Variants in COQ10B observed in about 807,000 individuals in gnomAD.
The protein encoded by COQ10B is coenzyme Q-binding protein COQ10 homolog B, mitochondrial.
Under a neutral mutation model 27.6 loss-of-function variants are expected in COQ10B, and 12 were observed. The ratio of observed to expected loss-of-function variants is 0.43; its 90% CI spans 0.28 to 0.70. COQ10B has a LOEUF of 0.70. COQ10B is among the 30% of genes least tolerant of loss of function. The probability of loss-of-function intolerance (pLI) is 0.17; values close to 1 mark genes in which losing one functional copy is unlikely to be tolerated. For synonymous variants in COQ10B, 115 were observed against 103.0 expected, an observed-to-expected ratio of 1.12 and a Z score of -0.71; for missense variants, 278 against 288.7, an observed-to-expected ratio of 0.96 and a Z score of 0.27.
At chr2:197,463,607 C>CA (rs933799833) in intron 3 of COQ10B, among the ~76,000 whole-genome samples, 8 of 147,122 alleles carry the variant, frequency 5.4e-5, no homozygotes, top group African/African-American at 1.8e-4. Flanking sequence ...GACAGTGTCT[C>CA]AAAAAAAATT....
intron 3 of COQ10B, among the ~76,000 whole-genome samples, chr2:197,464,874 T>C (rs2085807113): frequency 1.3e-5 from 2 of 151,198 alleles, no homozygotes; most frequent in Non-Finnish European, 3.0e-5. Flanking sequence ...AGAACTTAAA[T>C]CTTTTTTTTT....
intron 1 of COQ10B, among the ~76,000 whole-genome samples, chr2:197,455,752 G>A (rs1017787541): frequency 2.1e-4 from 32 of 152,074 alleles, no homozygotes; most frequent in Non-Finnish European, 3.5e-4. Context: ...TTGAAATCAG[G>A]AGTTTGAGAC....
At position 197,456,633 on chromosome 2, in the gene COQ10B, C is replaced by T. The variant is rs1171934141; in HGVS notation, c.104+2969C>T. On this transcript the variant is annotated intron_variant, in intron 1 of 4. Transcript: ENST00000263960. ...CAAAAAAATTAGCAGGGCGTGGTGG[C>T]GGGCACCTGTAGTCCCAGCTACTCG... is the stretch of plus-strand genomic sequence containing the variant. Among the ~76,000 whole-genome samples, 5 of 151,306 alleles carry T rather than the reference C, an allele frequency of 3.3e-5. No homozygotes were observed. The East Asian group carries it at 5.8e-4, about 18-fold the overall frequency.
intron 3 of COQ10B, among the ~76,000 whole-genome samples, chr2:197,468,723 C>T (rs1273618210): frequency 2.0e-5 from 3 of 151,940 alleles, no homozygotes; most frequent in Non-Finnish European, 4.4e-5. Flanking sequence ...TTTGGGAGGC[C>T]AAGGCAGGAG....
chr2:197,470,178 C>G lies in COQ10B; in HGVS notation c.549+7C>G. 1 of 1,545,366 alleles carries G rather than the reference C, an allele frequency of 6.5e-7. No homozygotes were observed. Among genetic ancestry groups the G allele is most frequent in the East Asian group, 2.2e-5 (1 of 44,490 alleles). On this transcript the variant is annotated splice_region_variant and intron_variant, in intron 4 of 4. Transcript: ENST00000263960. ...TTGTACCTTGGATTTTTCAGTAAGT[C>G]TCATAAAGCCCTTGATTTGTTCCAC...
chr2:197,453,853 G>A (rs1400586479), intron 1 of COQ10B, 189 bp downstream of exon 1: 2 of 1,215,186 alleles, frequency 1.6e-6, no homozygotes, highest in South Asian at 1.4e-5. Flanking sequence ...TTGGGCCCAA[G>A]GCTGTGTTCG....
intron 2 of COQ10B, among the ~76,000 whole-genome samples, chr2:197,461,780 A>G (rs891922753): frequency 1.3e-5 from 2 of 152,002 alleles, no homozygotes; most frequent in African/African-American, 4.8e-5. Flanking sequence ...AGCTGGGATT[A>G]CAAGCGTGTG....
chr2:197,459,242 T>C (rs1266124440), intron 1 of COQ10B, among the ~76,000 whole-genome samples: 1 of 152,090 alleles, frequency 6.6e-6, no homozygotes, highest in Non-Finnish European at 1.5e-5. Flanking sequence ...TCATAGCTCA[T>C]TGCAACCTCG....
intron 1 of COQ10B, chr2:197,454,008 A>C: frequency 6.4e-7 from 1 of 1,551,214 alleles, no homozygotes; most frequent in Non-Finnish European, 8.7e-7. Flanking sequence ...TTTGCGCAGA[A>C]GGGTTGCCGG....
intron 4 of COQ10B, among the ~76,000 whole-genome samples, chr2:197,473,010 A>T (rs2085894636): frequency 6.6e-6 from 1 of 152,156 alleles, no homozygotes; most frequent in South Asian, 2.1e-4. Context: ...CATAGTGATT[A>T]ATGTATTCAG....
intron 3 of COQ10B, among the ~76,000 whole-genome samples, chr2:197,465,232 A>G (rs2085811906): frequency 6.6e-6 from 1 of 150,494 alleles, no homozygotes; most frequent in Non-Finnish European, 1.5e-5. Flanking sequence ...AACTAAAAGA[A>G]CTCTAAATAA....
In COQ10B at chr2:197,473,441, T is replaced by TATATAC. The variant is rs1417755879; in HGVS notation, c.550-315_550-314insTATACA. Among the ~76,000 whole-genome samples the TATATAC allele has an allele frequency of 9.6e-4, 94 of 98,204 alleles. 3 individuals are homozygous for TATATAC. Among genetic ancestry groups the TATATAC allele is most frequent in the East Asian group, 4.1e-3 (15 of 3,700 alleles). The allele number at this position is 98,204 out of a possible 152,430, so 64.4% of individuals were successfully genotyped here. A position where few individuals can be genotyped will look rare whatever the true frequency, so the allele number is the denominator to read the frequency against. On this transcript the variant is annotated intron_variant, in intron 4 of 4. Transcript: ENST00000263960. ...ATATATATATATATATATATATATA[T>TATATAC]ACACATATATACATATATATATATG...
Position 197,460,018 on chromosome 2 carries a change from T to C in COQ10B, c.191T>C (p.Phe64Ser). 1 of 1,612,076 alleles carries C rather than the reference T, an allele frequency of 6.2e-7. No individual in the cohort carries two copies. Among genetic ancestry groups the C allele is most frequent in the Non-Finnish European group, 8.5e-7 (1 of 1,178,430 alleles). ...CCTAAGGAGATATGTGCACGAACTT[T>C]CTTCAAAATCACTGCACCATTAATA... Reference protein sequence around the residue: ...ILPKEICARTFFKITAPLINK... With the variant: ...ILPKEICARTSFKITAPLINK... Residue 64 changes from phenylalanine to serine, a missense_variant, in exon 2 of 5, where the codon TTC becomes TCC. Coordinates refer to ENST00000263960, the MANE Select transcript of COQ10B (RefSeq NM_025147.5).
At chr2:197,463,996 T>TATACACAC (rs1553574096) in intron 3 of COQ10B, among the ~76,000 whole-genome samples, 5 of 32,856 alleles carry the variant, frequency 1.5e-4, no homozygotes, top group South Asian at 1.8e-3. Context: ...TATATATATA[T>TATACACAC]ACACACACAC....
chr2:197,474,894 G>C lies in COQ10B; in HGVS notation c.*970G>C, dbSNP rs1042811375. On this transcript the variant is annotated 3_prime_UTR_variant, in exon 5 of 5. Coordinates refer to ENST00000263960, the MANE Select transcript of COQ10B (RefSeq NM_025147.5). ...GTAGTTTGCCACTTTCTCCGAGGTAGTTTGGCTGCTCTTTCAGTAATGCTA... is the reference window on the plus strand; with the variant it reads ...GTAGTTTGCCACTTTCTCCGAGGTACTTTGGCTGCTCTTTCAGTAATGCTA... 4 of 149,582 alleles carry C rather than the reference G, an allele frequency of 2.7e-5. No homozygotes were observed. Among genetic ancestry groups the C allele is most frequent in the Non-Finnish European group, 5.9e-5 (4 of 67,758 alleles). 9.3% of individuals were successfully genotyped at this position (149,582 alleles called of 1,614,324 possible).
At position 197,473,972 on chromosome 2, in the gene COQ10B, CT is replaced by C; in HGVS notation, c.*52del. The C allele has an allele frequency of 7.3e-7, 1 of 1,370,598 alleles. No homozygotes were observed. Among genetic ancestry groups the C allele is most frequent in the Non-Finnish European group, 9.6e-7 (1 of 1,037,462 alleles). 84.9% of individuals were successfully genotyped at this position (1,370,598 alleles called of 1,614,324 possible). On this transcript the variant is annotated 3_prime_UTR_variant, in exon 5 of 5. Coordinates refer to ENST00000263960, the MANE Select transcript of COQ10B (RefSeq NM_025147.5). ...CCTGCTTCTGACTTTAGTTTGTTCA[CT>C]TTTAGGAAGTATTTTCATGACATGT...
At chr2:197,470,285 A>G in intron 4 of COQ10B, 114 bp downstream of exon 4, 1 of 602,340 alleles carries the variant, frequency 1.7e-6, no homozygotes. Flanking sequence ...TTCTGCATAA[A>G]TGCTAATGAA....
intron 4 of COQ10B, among the ~76,000 whole-genome samples, chr2:197,471,907 A>G (rs2085881173): frequency 6.7e-6 from 1 of 150,254 alleles, no homozygotes; most frequent in African/African-American, 2.4e-5. Flanking sequence ...GTACCACTGC[A>G]CTCCAACCTG....
chr2:197,472,014 T>G (rs1481737595), intron 4 of COQ10B, among the ~76,000 whole-genome samples: 12 of 151,938 alleles, frequency 7.9e-5, no homozygotes, highest in Admixed American at 7.2e-4. Flanking sequence ...CATTATTATC[T>G]AGTAGTAGTA....
Sources: gnomAD v4.1 joint callset for allele counts (sites outside exome capture counted in the v4.1 genomes callset) on GRCh38, gnomAD v4.1.1 for gene constraint, MANE v1.5 for transcripts, NCBI Gene and HGNC (gene_info 2026-07-23, HGNC 2026-07-21) for gene names.